The following ALDH1L2 variants were observed in gnomAD, a reference collection of about 807,000 sequenced individuals.
ALDH1L2 encodes the protein aldehyde dehydrogenase 1 family member L2.
Under a neutral mutation model 111.0 loss-of-function variants are expected in ALDH1L2, and 91 were observed. The observed-to-expected ratio is 0.82, with a 90% CI of 0.69 to 0.98. The LOEUF is 0.98. Ranked by LOEUF, ALDH1L2 falls within the 50% of genes least tolerant of loss-of-function variation. The probability of loss-of-function intolerance (pLI) is 0.00; values close to 1 mark genes in which losing one functional copy is unlikely to be tolerated. For synonymous variants in ALDH1L2, 374 were observed against 392.6 expected (o/e 0.95, Z 0.56); for missense variants, 995 against 1,126.8 (o/e 0.88, Z 1.67).
chr12:105,040,429 G>A (rs1279421116), intron 16 of ALDH1L2, among the ~76,000 whole-genome samples, 178 bp downstream of exon 16: 4 of 152,122 alleles, frequency 2.6e-5, no homozygotes, highest in East Asian at 3.9e-4. Context: ...ACCCACCACT[G>A]TATTTCCATT....
chr12:105,046,770 C>T lies in ALDH1L2; in HGVS notation c.1803G>A (p.Leu601=). Residue 601 remains leucine (L), a synonymous_variant, in exon 15 of 23, where the codon CTG becomes CTA. Transcript: ENST00000258494. ...CCAAACACGCAGCACTCTTCCATGCCAGCATCATCAGCGGGTAGTTCCAGG... is the reference window on the plus strand; with the variant it reads ...CCAAACACGCAGCACTCTTCCATGCTAGCATCATCAGCGGGTAGTTCCAGG... The part of the protein sequence containing the change: ...IIPWNYPLMM[L]AWKSAACLAA... 6.2e-7 allele frequency: 1 copy of T among 1,614,142 alleles called. No individual in the cohort carries two copies. The highest frequency in any genetic ancestry group is 8.5e-7 in the Non-Finnish European group (1 of 1,180,024).
Position 105,070,936 on chromosome 12 carries a change from G to A in ALDH1L2, c.194-132C>T, listed in dbSNP as rs931284308. 1.3e-5 allele frequency: 10 copies of A among 782,630 alleles called. No homozygotes were observed. In the African/African-American group the frequency reaches 1.8e-4, roughly 14 times the overall value. 48.5% of individuals were successfully genotyped at this position (782,630 alleles called of 1,614,324 possible). ...AACATGGTGAAGAACAATTTAGATT[G>A]TGACTAGAATTTCACCTGTTGTAAT... On this transcript the variant is annotated intron_variant, in intron 2 of 22. Coordinates refer to ENST00000258494, the MANE Select transcript of ALDH1L2 (RefSeq NM_001034173.4).
Position 105,031,877 on chromosome 12 carries a change from C to T in ALDH1L2, c.2302G>A (p.Gly768Arg). 6.2e-7 allele frequency: 1 copy of T among 1,614,126 alleles called. No individual in the cohort carries two copies. ...AGATGAGCCTTATGATTTTGGGGCC[C>T]ATGATCAGTGGATCTGTCAAGTGGA... ...GDPLDRSTDHGPQNHKAHLEK... is the reference protein window; with the variant it reads ...GDPLDRSTDHRPQNHKAHLEK... Residue 768 changes from glycine to arginine, a missense_variant, in exon 20 of 23, where the codon GGG becomes AGG. By Grantham distance (125) the Gly-to-Arg change is moderately radical. Transcript: ENST00000258494.
At chr12:105,024,588 A>G (rs1227694692) in intron 22 of ALDH1L2, 109 bp from the exon 23 acceptor site, 2 of 1,076,284 alleles carry the variant, frequency 1.9e-6, no homozygotes, top group Non-Finnish European at 2.8e-6. Flanking sequence ...AAGTAAATAG[A>G]ATGTGGCCTA....
At chr12:105,065,215 A>G in intron 6 of ALDH1L2, 52 bp downstream of exon 6, 1 of 1,041,186 alleles carries the variant, frequency 9.6e-7, no homozygotes, top group Non-Finnish European at 1.4e-6. Context: ...AATATCTCTT[A>G]CAAAGGTAAT....
chr12:105,052,776 A>G (rs1212535831), intron 11 of ALDH1L2, 36 bp downstream of exon 11: 7 of 1,610,802 alleles, frequency 4.3e-6, no homozygotes, highest in Non-Finnish European at 5.1e-6. Context: ...AAAATCCATG[A>G]CCAGTGATCA....
intron 18 of ALDH1L2, among the ~76,000 whole-genome samples, chr12:105,037,001 A>G (rs1875191900): frequency 6.6e-6 from 1 of 152,082 alleles, no homozygotes; most frequent in African/African-American, 2.4e-5. Context: ...GGATGCTTAC[A>G]TGATGAAGTT....
intron 15 of ALDH1L2, among the ~76,000 whole-genome samples, chr12:105,046,193 C>CTCTCTCTATA (rs1256472590): frequency 4.0e-4 from 8 of 20,182 alleles, no homozygotes; most frequent in African/African-American, 6.9e-4. Flanking sequence ...CTCTCTCTCT[C>CTCTCTCTATA]TATATATATA....
chr12:105,028,656 G>A (rs181716131), intron 21 of ALDH1L2, among the ~76,000 whole-genome samples: 2 of 152,320 alleles, frequency 1.3e-5, no homozygotes, highest in Admixed American at 1.3e-4. Context: ...GCATATGGTA[G>A]GGACCCAAAT....
At chr12:105,026,800 T>C in intron 21 of ALDH1L2, 56 bp from the exon 22 acceptor site, 3 of 1,588,274 alleles carry the variant, frequency 1.9e-6, no homozygotes, top group Non-Finnish European at 2.6e-6. Flanking sequence ...AGACTCATTT[T>C]ATGTTCTGAA....
chr12:105,048,962 C>CA (rs34461931), intron 13 of ALDH1L2, among the ~76,000 whole-genome samples: 63,539 of 151,574 alleles, frequency 0.42, 13,531 homozygotes, highest in South Asian at 0.54. Context: ...ACCCAGGAGG[C>CA]GAGGTTGTAG....
rs117602802 is a variant in ALDH1L2 at position 105,061,225 on chromosome 12, G to T, written c.1048-153C>A. Among the ~76,000 whole-genome samples the T allele has an allele frequency of 6.5e-3, 993 of 152,252 alleles. 4 individuals are homozygous for T. The highest frequency in any genetic ancestry group is 0.011 in the Non-Finnish European group (745 of 68,026). ...CATTTCTCAGCGCCTCTCCAAGTTA[G>T]ATGCAACCAATGAACAGGAGTGGAA... is the stretch of plus-strand genomic sequence containing the variant. On this transcript the variant is annotated intron_variant, in intron 8 of 22. Transcript: ENST00000258494.
intron 18 of ALDH1L2, 135 bp from the exon 19 acceptor site, chr12:105,034,533 C>T: frequency 1.5e-6 from 1 of 685,898 alleles, no homozygotes; most frequent in South Asian, 1.8e-5. Context: ...ATCCTCTTGG[C>T]CTTGTTAGTG....
intron 15 of ALDH1L2, among the ~76,000 whole-genome samples, chr12:105,045,903 A>C (rs540778154): frequency 2.0e-5 from 3 of 152,268 alleles, no homozygotes; most frequent in African/African-American, 7.2e-5. Context: ...TTACCTGCAG[A>C]TAACAGAAAC....
At chr12:105,055,073 A>G (rs1876529437) in intron 10 of ALDH1L2, among the ~76,000 whole-genome samples, 1 of 152,226 alleles carries the variant, frequency 6.6e-6, no homozygotes. Context: ...GAAGACCAAT[A>G]TACAAGCAGG....
intron 15 of ALDH1L2, among the ~76,000 whole-genome samples, chr12:105,042,235 T>C (rs1875581060): frequency 6.6e-6 from 1 of 152,232 alleles, no homozygotes; most frequent in South Asian, 2.1e-4. Context: ...TCTGCCCTTT[T>C]TACATTTGTC....
chr12:105,064,310 A>G (rs11112356), intron 6 of ALDH1L2, among the ~76,000 whole-genome samples: 59,480 of 151,300 alleles, frequency 0.39, 12,917 homozygotes, highest in Middle Eastern at 0.61. Flanking sequence ...AATTACCCAT[A>G]ACCTAAGGGA....
chr12:105,064,154 TG>T (rs1877203794), intron 6 of ALDH1L2, among the ~76,000 whole-genome samples: 6 of 117,828 alleles, frequency 5.1e-5, no homozygotes, highest in East Asian at 2.4e-4. Flanking sequence ...TTTTTTTTTT[TG>T]TATTTTTAGT....
chr12:105,069,001 C>T, intron 3 of ALDH1L2, 117 bp from the exon 4 acceptor site: 1 of 1,001,866 alleles, frequency 1.0e-6, no homozygotes, highest in South Asian at 3.4e-5. Flanking sequence ...AATGAAGCTA[C>T]CATGAGAAAT....
Sources: gnomAD v4.1 joint callset for allele counts (sites outside exome capture counted in the v4.1 genomes callset) on GRCh38, gnomAD v4.1.1 for gene constraint, MANE v1.5 for transcripts, NCBI Gene and HGNC (gene_info 2026-07-23, HGNC 2026-07-21) for gene names.